Variants in VSTM4 observed in about 807,000 individuals in gnomAD.
VSTM4 encodes V-set and transmembrane domain containing 4.
In VSTM4, 20 loss-of-function variants were observed where a neutral mutation model predicts 36.4. That is an observed-to-expected ratio of 0.55 (90% confidence interval 0.39 to 0.80). The LOEUF (loss-of-function observed/expected upper bound fraction) is 0.80. VSTM4 is among the 30% of genes least tolerant of loss of function. VSTM4 has a pLI of 0.00. For missense variants in VSTM4, 392 were observed against 404.5 expected, an observed-to-expected ratio of 0.97 and a Z score of 0.26; for synonymous variants, 182 against 173.9, an observed-to-expected ratio of 1.05 and a Z score of -0.37.
chr10:49,056,682 C>A (rs905851553), intron 5 of VSTM4, among the ~76,000 whole-genome samples: 3 of 152,226 alleles, frequency 2.0e-5, no homozygotes, highest in African/African-American at 7.2e-5. Context: ...ACCCTGATGA[C>A]CCTGTGTCCC....
intron 7 of VSTM4, among the ~76,000 whole-genome samples, chr10:49,032,784 T>C (rs1318397114): frequency 6.6e-6 from 1 of 152,124 alleles, no homozygotes; most frequent in African/African-American, 2.4e-5. Context: ...GTTCTGCTGC[T>C]TGGAGTCATC....
intron 4 of VSTM4, among the ~76,000 whole-genome samples, chr10:49,076,161 G>T (rs1003374630): frequency 2.0e-5 from 3 of 152,218 alleles, no homozygotes; most frequent in African/African-American, 7.2e-5. Flanking sequence ...CACTGTTGGA[G>T]TGGCCCCTCA....
At chr10:49,087,239 T>C (rs1844385849) in intron 2 of VSTM4, among the ~76,000 whole-genome samples, 1 of 152,226 alleles carries the variant, frequency 6.6e-6, no homozygotes, top group Non-Finnish European at 1.5e-5. Context: ...TTTAATTCTT[T>C]TGTAGATATC....
chr10:49,024,404 A>C (rs886109502), intron 7 of VSTM4, among the ~76,000 whole-genome samples: 16 of 152,178 alleles, frequency 1.1e-4, no homozygotes, highest in Non-Finnish European at 2.1e-4. Context: ...GCATCAAAGG[A>C]AGGCTGCAAT....
intron 7 of VSTM4, among the ~76,000 whole-genome samples, chr10:49,034,519 C>T (rs773909914): frequency 1.3e-5 from 2 of 151,834 alleles, no homozygotes; most frequent in Non-Finnish European, 2.9e-5. Context: ...CACATGTGCT[C>T]GTTGGAAATT....
At chr10:49,085,215 G>A (rs1844349141) in intron 3 of VSTM4, among the ~76,000 whole-genome samples, 1 of 152,234 alleles carries the variant, frequency 6.6e-6, no homozygotes, top group Non-Finnish European at 1.5e-5. Context: ...TATGCTGCCG[G>A]TCTGCAATCA....
intron 7 of VSTM4, among the ~76,000 whole-genome samples, chr10:49,029,507 G>T (rs551727178): frequency 3.9e-5 from 6 of 152,278 alleles, no homozygotes; most frequent in Non-Finnish European, 8.8e-5. Context: ...CTGGATTACA[G>T]GTGGTGTCTG....
chr10:49,075,459 T>C (rs1844160020), intron 4 of VSTM4, among the ~76,000 whole-genome samples: 2 of 152,224 alleles, frequency 1.3e-5, no homozygotes, highest in African/African-American at 4.8e-5. Context: ...GGAGAATGAA[T>C]TGAATGTGTG....
At chr10:49,111,778 T>G (rs1844898422) in intron 1 of VSTM4, among the ~76,000 whole-genome samples, 1 of 152,098 alleles carries the variant, frequency 6.6e-6, no homozygotes, top group Non-Finnish European at 1.5e-5. Context: ...GTCCAGTGGG[T>G]AAGGCAGCCA....
intron 2 of VSTM4, among the ~76,000 whole-genome samples, chr10:49,105,139 C>T (rs1038388276): frequency 8.3e-6 from 1 of 119,866 alleles, no homozygotes. Context: ...CAGAGAGAGA[C>T]AGAGAGAGAC....
intron 5 of VSTM4, among the ~76,000 whole-genome samples, chr10:49,063,939 G>A (rs1294048371): frequency 5.3e-5 from 8 of 152,198 alleles, no homozygotes; most frequent in Non-Finnish European, 2.9e-5. Context: ...CTCACTTGAG[G>A]TTTTCAGGGG....
intron 5 of VSTM4, among the ~76,000 whole-genome samples, chr10:49,054,909 T>C (rs754020164): frequency 1.3e-4 from 19 of 149,184 alleles, no homozygotes; most frequent in Non-Finnish European, 7.4e-5. Flanking sequence ...TCCAGCCATC[T>C]CAAAGATGCT....
intron 2 of VSTM4, among the ~76,000 whole-genome samples, chr10:49,099,325 T>C (rs1002697682): frequency 9.2e-5 from 14 of 152,260 alleles, no homozygotes; most frequent in Admixed American, 2.6e-4. Context: ...AGATTTGTTT[T>C]CCCCACATGT....
At chr10:49,061,095 G>A (rs1396608525) in intron 5 of VSTM4, among the ~76,000 whole-genome samples, 3 of 152,168 alleles carry the variant, frequency 2.0e-5, no homozygotes, top group Non-Finnish European at 4.4e-5. Flanking sequence ...AGAACTGTAA[G>A]TCCTCTGACT....
At chr10:49,111,393 C>T (rs1197868138) in intron 1 of VSTM4, among the ~76,000 whole-genome samples, 2 of 152,088 alleles carry the variant, frequency 1.3e-5, no homozygotes, top group Admixed American at 6.5e-5. Flanking sequence ...TGTACAGGGC[C>T]CCCGGGAGCC....
chr10:49,072,779 G>A (rs1202109335), intron 4 of VSTM4, among the ~76,000 whole-genome samples: 1 of 152,204 alleles, frequency 6.6e-6, no homozygotes, highest in East Asian at 1.9e-4. Flanking sequence ...AGGCCCCAGG[G>A]CTGAGAGTGG....
At chr10:49,100,071 T>C (rs1844640128) in intron 2 of VSTM4, among the ~76,000 whole-genome samples, 2 of 149,804 alleles carry the variant, frequency 1.3e-5, no homozygotes, top group Admixed American at 1.3e-4. Context: ...GAAAGATGCC[T>C]AAGAGATATT....
chr10:49,097,286 C>T (rs963550968), intron 2 of VSTM4, among the ~76,000 whole-genome samples: 8 of 152,196 alleles, frequency 5.3e-5, no homozygotes, highest in South Asian at 2.1e-4. Flanking sequence ...CCATGCCCAC[C>T]GGGGGCCTCC....
intron 7 of VSTM4, among the ~76,000 whole-genome samples, chr10:49,039,769 C>T (rs1162497207): frequency 6.6e-6 from 1 of 152,200 alleles, no homozygotes; most frequent in Non-Finnish European, 1.5e-5. Context: ...TGCCCTCCTT[C>T]CCCATTCAGG....
Sources: gnomAD v4.1 joint callset for allele counts (sites outside exome capture counted in the v4.1 genomes callset) on GRCh38, gnomAD v4.1.1 for gene constraint, MANE v1.5 for transcripts, NCBI Gene and HGNC (gene_info 2026-07-23, HGNC 2026-07-21) for gene names.